FRMD4A: variants seen among roughly 807,000 people sequenced by gnomAD.
The protein encoded by FRMD4A is FERM domain containing 4A, also known as FERM domain-containing protein 4A.
In FRMD4A, 29 loss-of-function variants were observed where a neutral mutation model predicts 129.1. That is an observed-to-expected ratio of 0.22 (90% CI 0.17 to 0.31). The LOEUF (loss-of-function observed/expected upper bound fraction) is 0.31. Among genes scored for constraint, FRMD4A ranks in the 10% least tolerant of loss-of-function variants. The pLI is 1.00. For missense variants in FRMD4A, 1,272 were observed against 1,375.8 expected (o/e 0.92, Z 1.19); for synonymous variants, 634 against 571.6 (o/e 1.11, Z -1.56).
In FRMD4A at chr10:13,661,722, C is replaced by T. The variant is rs960789722; in HGVS notation, c.1661-1169G>A. On this transcript the variant is annotated intron_variant, in intron 19 of 24. Coordinates refer to ENST00000357447, the MANE Select transcript of FRMD4A (RefSeq NM_018027.5). ...AGGACTTCAGGCTAGGGCAGGTCAG[C>T]ATTGAGAAGAGAGAGGAGGGAACGA... is the stretch of plus-strand genomic sequence containing the variant. 5.3e-5 allele frequency among the ~76,000 whole-genome samples: 8 copies of T among 152,184 alleles called. 1 individual carries two copies. Among genetic ancestry groups the T allele is most frequent in the Admixed American group, 3.3e-4 (5 of 15,288 alleles).
At chr10:14,114,360 A>C (rs1022357129) in intron 2 of FRMD4A, among the ~76,000 whole-genome samples, 1 of 152,210 alleles carries the variant, frequency 6.6e-6, no homozygotes, top group Non-Finnish European at 1.5e-5. Context: ...TGATTTCAAA[A>C]ACCCCAGGAA....
In FRMD4A at chr10:14,148,239, T is replaced by C. The variant is rs376428935; in HGVS notation, c.45+181819A>G. ...ATGTTGAAAGGAAATAAAAGTGTTT[T>C]AATTATCCCCCTTTAGTTTCCAGGT... is the stretch of plus-strand genomic sequence containing the variant. On this transcript the variant is annotated intron_variant, in intron 2 of 24. Transcript: ENST00000357447. 8.5e-5 allele frequency among the ~76,000 whole-genome samples: 13 copies of C among 152,322 alleles called. No homozygotes were observed. The South Asian group carries it at 2.7e-3, about 32-fold the overall frequency.
Position 13,967,811 on chromosome 10 carries a change from T to C in FRMD4A, c.46-108899A>G, listed in dbSNP as rs564911690. ...CTATAATGCCAGCACTCTGGGAGGA[T>C]GGGGCAGGCAGATGGCGTGAGCCCA... On this transcript the variant is annotated intron_variant, in intron 2 of 24. Coordinates refer to ENST00000357447, the MANE Select transcript of FRMD4A (RefSeq NM_018027.5). 2.0e-5 allele frequency among the ~76,000 whole-genome samples: 3 copies of C among 152,328 alleles called. No homozygotes were observed. In the South Asian group the frequency reaches 6.2e-4, roughly 32 times the overall value.
At chr10:14,259,653 A>G (rs1300939715) in intron 2 of FRMD4A, among the ~76,000 whole-genome samples, 1 of 152,234 alleles carries the variant, frequency 6.6e-6, no homozygotes, top group Non-Finnish European at 1.5e-5. Context: ...TTTTTTAGTC[A>G]GAGAAAATAT....
intron 2 of FRMD4A, among the ~76,000 whole-genome samples, chr10:14,053,239 G>A (rs1588876980): frequency 6.6e-6 from 1 of 152,282 alleles, no homozygotes; most frequent in East Asian, 1.9e-4. Context: ...CTACAGAATG[G>A]TGTATTAGCA....
intron 16 of FRMD4A, among the ~76,000 whole-genome samples, chr10:13,671,332 T>C (rs1050885248): frequency 2.6e-5 from 4 of 152,122 alleles, no homozygotes; most frequent in Admixed American, 1.3e-4. Flanking sequence ...TAAGCACCTG[T>C]AATCCCAGCT....
At chr10:13,787,612 C>A (rs1276628090) in intron 5 of FRMD4A, among the ~76,000 whole-genome samples, 1 of 152,094 alleles carries the variant, frequency 6.6e-6, no homozygotes, top group Non-Finnish European at 1.5e-5. Flanking sequence ...AGATATAAGC[C>A]ACCATGCTGA....
intron 3 of FRMD4A, among the ~76,000 whole-genome samples, chr10:13,852,149 C>G (rs2131013878): frequency 6.6e-6 from 1 of 152,208 alleles, no homozygotes; most frequent in African/African-American, 2.4e-5. Context: ...TTCATGAAAC[C>G]AGTCCCTGGT....
In FRMD4A at chr10:14,285,490, A is replaced by G. The variant is rs112008881; in HGVS notation, c.45+44568T>C. On this transcript the variant is annotated intron_variant, in intron 2 of 24. Transcript: ENST00000357447. ...TTCACTAGCAAAACAGCTCCTGCCC[A>G]TGGAGGCATGTGGAAAGCAAAATCC... Among the ~76,000 whole-genome samples, 752 of 152,354 alleles carry G rather than the reference A, an allele frequency of 4.9e-3. 5 individuals carry two copies. The highest frequency in any genetic ancestry group is 0.018 in the African/African-American group (735 of 41,584).
chr10:14,204,299 C>T (rs1185540009), intron 2 of FRMD4A, among the ~76,000 whole-genome samples: 1 of 152,006 alleles, frequency 6.6e-6, no homozygotes, highest in Admixed American at 6.6e-5. Flanking sequence ...CATGATGGTG[C>T]ATGCCTATAA....
chr10:13,779,174 A>G (rs929543214), intron 6 of FRMD4A, among the ~76,000 whole-genome samples: 10 of 152,052 alleles, frequency 6.6e-5, no homozygotes, highest in South Asian at 6.2e-4. Context: ...AAAATTAGCC[A>G]GGTGTGATGG....
At chr10:14,042,943 A>T (rs1030043516) in intron 2 of FRMD4A, among the ~76,000 whole-genome samples, 78 of 151,552 alleles carry the variant, frequency 5.1e-4, no homozygotes, top group African/African-American at 1.8e-3. Flanking sequence ...AAAAAAAAAA[A>T]AAAAAAGAAA....
chr10:13,755,601 ATTTTCCTTG>A (rs1202364122), intron 8 of FRMD4A, among the ~76,000 whole-genome samples: 1 of 152,094 alleles, frequency 6.6e-6, no homozygotes, highest in Non-Finnish European at 1.5e-5. Flanking sequence ...GTGAAAATCA[ATTTTCCTTG>A]TTAATGAGGG....
chr10:14,072,280 G>T (rs1835353300), intron 2 of FRMD4A, among the ~76,000 whole-genome samples: 1 of 152,188 alleles, frequency 6.6e-6, no homozygotes. Flanking sequence ...GGGGCCTTGA[G>T]AAGTCAGAAG....
chr10:13,831,100 T>C (rs1195333233), intron 3 of FRMD4A, among the ~76,000 whole-genome samples: 1 of 152,176 alleles, frequency 6.6e-6, no homozygotes, highest in Non-Finnish European at 1.5e-5. Context: ...AATTTTGCTT[T>C]TTAGAAATCA....
At chr10:14,302,215 C>T (rs976369365) in intron 2 of FRMD4A, among the ~76,000 whole-genome samples, 5 of 152,152 alleles carry the variant, frequency 3.3e-5, no homozygotes, top group African/African-American at 1.2e-4. Flanking sequence ...GAAGCCAACT[C>T]CAAGACATGA....
At chr10:14,055,942 C>CT (rs905423940) in intron 2 of FRMD4A, among the ~76,000 whole-genome samples, 76 of 150,168 alleles carry the variant, frequency 5.1e-4, no homozygotes, top group Non-Finnish European at 9.2e-4. Context: ...AATTCTCTCT[C>CT]TTTTTTTTTT....
At chr10:13,674,463 G>A (rs924440139) in intron 16 of FRMD4A, among the ~76,000 whole-genome samples, 7 of 152,140 alleles carry the variant, frequency 4.6e-5, no homozygotes, top group Non-Finnish European at 8.8e-5. Flanking sequence ...TCATCACAGT[G>A]CTTCATCAAC....
intron 17 of FRMD4A, 144 bp from the exon 18 acceptor site, chr10:13,666,469 G>T (rs1376998414): frequency 3.2e-6 from 2 of 626,442 alleles, no homozygotes; most frequent in South Asian, 3.9e-5. Context: ...TGCACCCACT[G>T]AAGTCCCCAG....
Sources: allele counts gnomAD v4.1 joint callset (sites outside exome capture counted in the v4.1 genomes callset), GRCh38; gene constraint gnomAD v4.1.1; transcripts MANE v1.5; gene names NCBI Gene and HGNC (gene_info 2026-07-23, HGNC 2026-07-21).